Variants in MPRIP observed in about 807,000 individuals in gnomAD.
MPRIP encodes myosin phosphatase Rho interacting protein.
Under a neutral mutation model 234.9 loss-of-function variants are expected in MPRIP, and 59 were observed. The observed-to-expected ratio is 0.25, with a 90% CI of 0.20 to 0.31. The LOEUF (loss-of-function observed/expected upper bound fraction) is 0.31. MPRIP is among the 10% of genes least tolerant of loss of function. The pLI is 1.00. For synonymous variants in MPRIP, 1,144 were observed against 1,263.9 expected (o/e 0.91, Z 2.01); for missense variants, 2,436 against 3,071.0 (o/e 0.79, Z 4.89).
At chr17:17,126,940 G>C in intron 4 of MPRIP, 87 bp downstream of exon 4, 1 of 1,494,946 alleles carries the variant, frequency 6.7e-7, no homozygotes, top group Non-Finnish European at 9.2e-7. Context: ...TGGCAGTGTC[G>C]ATGTTGTCTA....
chr17:17,168,267 G>C, intron 16 of MPRIP: 1 of 277,716 alleles, frequency 3.6e-6, no homozygotes, highest in Non-Finnish European at 7.0e-6. Context: ...TCCTGCCCCT[G>C]CCCCGGGAAC....
chr17:17,152,306 C>A (rs1053475646), intron 12 of MPRIP, among the ~76,000 whole-genome samples: 1 of 152,268 alleles, frequency 6.6e-6, no homozygotes, highest in Non-Finnish European at 1.5e-5. Flanking sequence ...CTCCTGCCGT[C>A]CACCTCCCAT....
intron 23 of MPRIP, among the ~76,000 whole-genome samples, chr17:17,181,106 G>A (rs1042110530): frequency 2.0e-5 from 3 of 152,230 alleles, no homozygotes; most frequent in Non-Finnish European, 2.9e-5. Flanking sequence ...GGTCATTCTA[G>A]GAATGGATAA....
intron 5 of MPRIP, among the ~76,000 whole-genome samples, chr17:17,135,524 A>C (rs2144454461): frequency 6.6e-6 from 1 of 152,306 alleles, no homozygotes; most frequent in Middle Eastern, 3.4e-3. Context: ...GCTTATAAAT[A>C]ATAGAAATTT....
At position 17,158,995 on chromosome 17, in the gene MPRIP, A is replaced by G; in HGVS notation, c.2393A>G (p.Glu798Gly). 1 of 1,611,316 alleles carries G rather than the reference A, an allele frequency of 6.2e-7. No homozygotes were observed. Among genetic ancestry groups the G allele is most frequent in the Non-Finnish European group, 8.5e-7 (1 of 1,179,014 alleles). ...LSTHELTSLLEKELEQSQKEA... is the reference protein window; with the variant it reads ...LSTHELTSLLGKELEQSQKEA... ...ACACACGAGCTGACCTCTCTGCTCG[A>G]GAAGGAGGTAATAGCCTGGGACCAG... The change falls in exon 14 of 24, where the codon GAG (glutamate) becomes GGG (glycine). Residue 798 changes from glutamate (E) to glycine (G), a missense_variant. Transcript: ENST00000651222.
chr17:17,086,223 T>C (rs2144111228), intron 3 of MPRIP, among the ~76,000 whole-genome samples: 1 of 152,162 alleles, frequency 6.6e-6, no homozygotes, highest in East Asian at 1.9e-4. Flanking sequence ...TCCATTGGCT[T>C]TCAGGGCTGG....
Position 17,177,410 on chromosome 17 carries a change from A to G in MPRIP, c.7118A>G (p.Tyr2373Cys). 2 of 1,613,220 alleles carry G rather than the reference A, an allele frequency of 1.2e-6. No individual in the cohort carries two copies. Among genetic ancestry groups the G allele is most frequent in the Non-Finnish European group, 1.7e-6 (2 of 1,179,708 alleles). Reference protein sequence around the residue: ...KSPDSATVSGYDIMKSKSNPD... With the variant: ...KSPDSATVSGCDIMKSKSNPD... ...CCTGACAGTGCCACGGTGTCCGGAT[A>G]TGGTGCGTCCTCGGGTCATGCCCTC... is the stretch of plus-strand genomic sequence containing the variant. Residue 2373 changes from tyrosine (Y) to cysteine (C), a missense_variant and splice_region_variant, in exon 22 of 24, where the codon TAT (tyrosine) becomes TGT (cysteine). Physicochemically the swap from Tyr to Cys is radical, Grantham distance 194. Coordinates refer to ENST00000651222, the MANE Select transcript of MPRIP (RefSeq NM_001364716.4).
At chr17:17,126,420 G>A (rs866243432) in intron 3 of MPRIP, among the ~76,000 whole-genome samples, 1 of 152,106 alleles carries the variant, frequency 6.6e-6, no homozygotes, top group Non-Finnish European at 1.5e-5. Flanking sequence ...CCCTGTCACC[G>A]CAGCTGTCCC....
intron 6 of MPRIP, among the ~76,000 whole-genome samples, chr17:17,137,512 C>CAAA (rs35313745): frequency 5.5e-5 from 7 of 126,488 alleles, no homozygotes; most frequent in East Asian, 2.3e-4. Context: ...GATTGCATCT[C>CAAA]AAAAAAAAAA....
At chr17:17,169,479 AAG>A (rs2046083184) in intron 16 of MPRIP, among the ~76,000 whole-genome samples, 1 of 152,220 alleles carries the variant, frequency 6.6e-6, no homozygotes, top group Non-Finnish European at 1.5e-5. Flanking sequence ...AATCAGAAAA[AAG>A]AGGACTGCCT....
chr17:17,137,722 T>A (rs969862149), intron 6 of MPRIP, among the ~76,000 whole-genome samples, 194 bp from the exon 7 acceptor site: 7 of 152,066 alleles, frequency 4.6e-5, no homozygotes, highest in Non-Finnish European at 1.0e-4. Flanking sequence ...GAAAAAAGCA[T>A]GCACGAAATA....
At chr17:17,101,980 G>A (rs562005147) in intron 3 of MPRIP, among the ~76,000 whole-genome samples, 2 of 152,312 alleles carry the variant, frequency 1.3e-5, no homozygotes, top group East Asian at 3.9e-4. Flanking sequence ...CTGAGGAAGA[G>A]GAAACGTCCA....
At chr17:17,163,072 T>G (rs1451889893) in intron 15 of MPRIP, among the ~76,000 whole-genome samples, 1 of 152,200 alleles carries the variant, frequency 6.6e-6, no homozygotes, top group Non-Finnish European at 1.5e-5. Context: ...CCACCCTTTA[T>G]GCTTTGGAAA....
At chr17:17,102,540 A>G (rs2089984175) in intron 3 of MPRIP, among the ~76,000 whole-genome samples, 1 of 152,240 alleles carries the variant, frequency 6.6e-6, no homozygotes, top group Non-Finnish European at 1.5e-5. Flanking sequence ...CTAGTGGAGC[A>G]GCCTTGGCTA....
intron 14 of MPRIP, 140 bp downstream of exon 14, chr17:17,159,142 A>G (rs1022554150): frequency 1.7e-5 from 14 of 840,094 alleles, no homozygotes; most frequent in Non-Finnish European, 2.4e-5. Context: ...AGACAGACGC[A>G]TAGATGAGTC....
At chr17:17,140,032 C>T (rs1176157161) in intron 7 of MPRIP, among the ~76,000 whole-genome samples, 1 of 152,216 alleles carries the variant, frequency 6.6e-6, no homozygotes, top group Admixed American at 6.5e-5. Context: ...TCCCTGCTCC[C>T]ATCCTGTGAT....
intron 19 of MPRIP, 26 bp downstream of exon 19, chr17:17,174,101 A>C: frequency 6.2e-7 from 1 of 1,610,226 alleles, no homozygotes; most frequent in Non-Finnish European, 8.5e-7. Context: ...GGTGAGCCCA[A>C]GGTTAGTCAG....
rs767025740 is a variant in MPRIP, at chr17:17,165,826, G to A, written c.4235G>A (p.Arg1412His). Residue 1412 changes from arginine (R) to histidine (H), a missense_variant, in exon 16 of 24, where the codon CGT (arginine) becomes CAT (histidine). Around this residue, in one of 4 missense-constraint regions of MPRIP, gnomAD observed 1,998 missense variants for 2,520.3 expected, o/e 0.79. Coordinates refer to ENST00000651222, the MANE Select transcript of MPRIP (RefSeq NM_001364716.4). ...CTGGAGAGCCAGCAGGGTCAGAGCC[G>A]TGAGGCACTGCTCGCACTGCACCAC... is the stretch of plus-strand genomic sequence containing the variant. ...VRLESQQGQS[R>H]EALLALHHQW... 4.1e-5 allele frequency: 53 copies of A among 1,304,198 alleles called. No homozygotes were observed. Among genetic ancestry groups the A allele is most frequent in the South Asian group, 2.7e-4 (22 of 81,038 alleles). 80.8% of individuals were successfully genotyped at this position (1,304,198 alleles called of 1,614,324 possible). A position where few individuals can be genotyped will look rare whatever the true frequency, so the allele number is the denominator to read the frequency against.
At chr17:17,171,380 G>A (rs545276916) in intron 16 of MPRIP, 14 of 207,416 alleles carry the variant, frequency 6.7e-5, no homozygotes, top group African/African-American at 3.0e-4. Context: ...TGGCAGCAAC[G>A]CAGGAAGGTC....
Sources: gnomAD v4.1 joint callset for allele counts (sites outside exome capture counted in the v4.1 genomes callset) on GRCh38, gnomAD v4.1.1 for gene constraint, gnomAD v4.1.1 regional missense constraint, MANE v1.5 for transcripts, NCBI Gene and HGNC (gene_info 2026-07-23, HGNC 2026-07-21) for gene names.